VWC2: variants seen among roughly 807,000 people sequenced by gnomAD.
VWC2 encodes the protein von Willebrand factor C domain containing 2, also known as brorin.
VWC2 carries 14 observed loss-of-function variants against 29.8 expected under a neutral mutation model. The observed-to-expected ratio is 0.47, with a 90% CI of 0.31 to 0.74. VWC2 has a LOEUF of 0.74. Among genes scored for constraint, VWC2 ranks in the 30% least tolerant of loss-of-function variants. The probability of loss-of-function intolerance (pLI) is 0.05; values close to 1 mark genes in which losing one functional copy is unlikely to be tolerated. For synonymous variants in VWC2, 213 were observed against 199.0 expected, an observed-to-expected ratio of 1.07 and a Z score of -0.59; for missense variants, 457 against 459.8, an observed-to-expected ratio of 0.99 and a Z score of 0.05.
chr7:49,816,818 C>A (rs1292402470), intron 3 of VWC2, among the ~76,000 whole-genome samples: 1 of 152,098 alleles, frequency 6.6e-6, no homozygotes, highest in Non-Finnish European at 1.5e-5. Context: ...TAGCTTTATC[C>A]CTATCACCTT....
Position 49,817,875 on chromosome 7 carries a change from A to G in VWC2, c.826+15035A>G, listed in dbSNP as rs936894762. 2.0e-5 allele frequency among the ~76,000 whole-genome samples: 3 copies of G among 152,244 alleles called. No homozygotes were observed. In the East Asian group the frequency reaches 5.8e-4, roughly 29 times the overall value. The stretch of plus-strand genomic sequence containing the variant: ...TCATATAGGGGGAAAAACATTGCCA[A>G]TTCATTAATTAGGAAAACAGAAATT... On this transcript the variant is annotated intron_variant, in intron 3 of 3. Coordinates refer to ENST00000340652, the MANE Select transcript of VWC2 (RefSeq NM_198570.5).
chr7:49,882,721 C>A (rs1791722428), intron 3 of VWC2, among the ~76,000 whole-genome samples: 1 of 152,112 alleles, frequency 6.6e-6, no homozygotes, highest in South Asian at 2.1e-4. Flanking sequence ...AATGTGTAAC[C>A]TTCCTAAGGC....
At chr7:49,887,038 A>C (rs1791934497) in intron 3 of VWC2, among the ~76,000 whole-genome samples, 1 of 151,938 alleles carries the variant, frequency 6.6e-6, no homozygotes, top group African/African-American at 2.4e-5. Context: ...CAGAAGATTT[A>C]TTTTAAACCA....
intron 3 of VWC2, among the ~76,000 whole-genome samples, chr7:49,895,058 G>A (rs761589749): frequency 6.6e-6 from 1 of 152,154 alleles, no homozygotes; most frequent in Non-Finnish European, 1.5e-5. Flanking sequence ...AATACCACAG[G>A]CTGGGTAATT....
intron 3 of VWC2, among the ~76,000 whole-genome samples, chr7:49,837,950 C>A (rs1387821390): frequency 6.6e-6 from 1 of 152,132 alleles, no homozygotes; most frequent in Admixed American, 6.5e-5. Flanking sequence ...ACATAAAGTT[C>A]AAAAATCTGC....
chr7:49,789,036 G>C (rs1788383398), intron 2 of VWC2, among the ~76,000 whole-genome samples: 1 of 146,572 alleles, frequency 6.8e-6, no homozygotes, highest in Non-Finnish European at 1.5e-5. Context: ...GCGTGTGGGT[G>C]CATGTGTGAG....
At chr7:49,890,669 T>A (rs1220666980) in intron 3 of VWC2, among the ~76,000 whole-genome samples, 2 of 150,688 alleles carry the variant, frequency 1.3e-5, no homozygotes, top group African/African-American at 2.4e-5. Context: ...TGAGAGTAAC[T>A]CCCACTACTG....
At chr7:49,841,620 C>T (rs933841014) in intron 3 of VWC2, among the ~76,000 whole-genome samples, 12 of 152,160 alleles carry the variant, frequency 7.9e-5, no homozygotes, top group Admixed American at 1.3e-4. Flanking sequence ...TCAGACCTTC[C>T]GGGAGGACAG....
intron 3 of VWC2, chr7:49,901,170 C>T (rs569011982): frequency 4.6e-5 from 7 of 152,046 alleles, no homozygotes; most frequent in African/African-American, 1.7e-4. Context: ...ATAAGGCTGT[C>T]TCCTTTCTTC....
intron 2 of VWC2, among the ~76,000 whole-genome samples, chr7:49,778,992 C>A (rs1422267578): frequency 6.6e-6 from 1 of 152,022 alleles, no homozygotes; most frequent in African/African-American, 2.4e-5. Context: ...TCAGTCCCTG[C>A]AAGATGCATA....
intron 2 of VWC2, among the ~76,000 whole-genome samples, chr7:49,796,364 G>A (rs1365053651): frequency 6.6e-6 from 1 of 152,152 alleles, no homozygotes; most frequent in Admixed American, 6.5e-5. Context: ...TTACTCTCTA[G>A]CTGCCGAAAG....
intron 3 of VWC2, among the ~76,000 whole-genome samples, chr7:49,824,885 CA>C (rs1391475396): frequency 1.3e-5 from 2 of 152,048 alleles, no homozygotes; most frequent in Admixed American, 6.5e-5. Flanking sequence ...TCCTACCTTG[CA>C]AAATTCTCCA....
At chr7:49,885,748 C>A (rs967667473) in intron 3 of VWC2, among the ~76,000 whole-genome samples, 1 of 152,184 alleles carries the variant, frequency 6.6e-6, no homozygotes, top group African/African-American at 2.4e-5. Flanking sequence ...ATTTTAGATG[C>A]GGTTAAAGTA....
At chr7:49,841,157 A>C (rs1008217648) in intron 3 of VWC2, among the ~76,000 whole-genome samples, 1 of 152,220 alleles carries the variant, frequency 6.6e-6, no homozygotes, top group Non-Finnish European at 1.5e-5. Flanking sequence ...GAGGGATTCC[A>C]GAGCAAGTGG....
chr7:49,785,175 G>A (rs1192775730), intron 2 of VWC2, among the ~76,000 whole-genome samples: 1 of 151,654 alleles, frequency 6.6e-6, no homozygotes, highest in Non-Finnish European at 1.5e-5. Context: ...GGGATTAACA[G>A]TTGTAGACTA....
intron 2 of VWC2, among the ~76,000 whole-genome samples, chr7:49,788,205 T>C (rs779979804): frequency 6.6e-6 from 1 of 152,196 alleles, no homozygotes; most frequent in Non-Finnish European, 1.5e-5. Context: ...GCAGCTGATG[T>C]GTTGAAGGAG....
chr7:49,871,938 CA>C (rs1379408582), intron 3 of VWC2, among the ~76,000 whole-genome samples: 8 of 128,328 alleles, frequency 6.2e-5, no homozygotes, highest in Non-Finnish European at 1.1e-4. Context: ...CACACACACA[CA>C]CACACACACA....
chr7:49,900,652 T>A (rs1792673199), intron 3 of VWC2, among the ~76,000 whole-genome samples: 2 of 151,730 alleles, frequency 1.3e-5, no homozygotes, highest in East Asian at 3.9e-4. Context: ...AAAAGAGATA[T>A]AATCAATAAT....
intron 3 of VWC2, among the ~76,000 whole-genome samples, chr7:49,871,960 G>A (rs1177532130): frequency 1.1e-5 from 1 of 93,210 alleles, no homozygotes; most frequent in Admixed American, 1.1e-4. Flanking sequence ...CACACACACC[G>A]AGAAAGAGAG....
Sources: allele counts gnomAD v4.1 joint callset (sites outside exome capture counted in the v4.1 genomes callset), GRCh38; gene constraint gnomAD v4.1.1; transcripts MANE v1.5; gene names NCBI Gene and HGNC (gene_info 2026-07-23, HGNC 2026-07-21).